The following PCDH7 variants were observed in gnomAD, a reference collection of about 807,000 sequenced individuals.
The protein encoded by PCDH7 is protocadherin 7, also known as protocadherin-7.
In PCDH7, 17 loss-of-function variants were observed where a neutral mutation model predicts 58.9. That is an observed-to-expected ratio of 0.29 (90% CI 0.20 to 0.43). The LOEUF is 0.43. Among genes scored for constraint, PCDH7 ranks in the 20% least tolerant of loss-of-function variants. The pLI is 1.00. For missense variants in PCDH7, 1,274 were observed against 1,441.0 expected, an observed-to-expected ratio of 0.88 and a Z score of 1.88; for synonymous variants, 664 against 616.4, an observed-to-expected ratio of 1.08 and a Z score of -1.14.
At chr4:30,831,008 C>T (rs1301484803) in intron 1 of PCDH7, among the ~76,000 whole-genome samples, 1 of 152,098 alleles carries the variant, frequency 6.6e-6, no homozygotes, top group Non-Finnish European at 1.5e-5. Flanking sequence ...AAAAGCATTT[C>T]ATCAAAAATA....
At chr4:30,976,306 G>A (rs1050157961) in intron 3 of PCDH7, among the ~76,000 whole-genome samples, 1 of 151,470 alleles carries the variant, frequency 6.6e-6, no homozygotes, top group Admixed American at 6.6e-5. Flanking sequence ...GGTCAGGCTG[G>A]TCTTGGACTC....
chr4:31,108,060 G>GA (rs1441119603), intron 3 of PCDH7, among the ~76,000 whole-genome samples: 1 of 151,830 alleles, frequency 6.6e-6, no homozygotes, highest in African/African-American at 2.4e-5. Flanking sequence ...CATTTCCAAA[G>GA]AAAACTACAG....
chr4:30,984,095 A>G (rs2109113984), intron 3 of PCDH7, among the ~76,000 whole-genome samples: 2 of 152,328 alleles, frequency 1.3e-5, no homozygotes, highest in African/African-American at 4.8e-5. Context: ...AATTAGTAAA[A>G]CACATTCCAA....
At chr4:30,919,754 T>C (rs1742939930) in intron 1 of PCDH7, among the ~76,000 whole-genome samples, 2 of 152,204 alleles carry the variant, frequency 1.3e-5, no homozygotes, top group East Asian at 1.9e-4. Context: ...TTGAGTCTTC[T>C]TACAATGGAT....
chr4:30,909,309 T>C (rs1474281637), intron 1 of PCDH7, among the ~76,000 whole-genome samples: 1 of 152,122 alleles, frequency 6.6e-6, no homozygotes, highest in African/African-American at 2.4e-5. Context: ...CTATTCAACA[T>C]AGAATCTGAA....
chr4:31,067,314 T>C (rs1348503950), intron 3 of PCDH7, among the ~76,000 whole-genome samples: 3 of 150,794 alleles, frequency 2.0e-5, no homozygotes, highest in Non-Finnish European at 2.9e-5. Context: ...AGGATTTTTA[T>C]TTCAGTTCGG....
At chr4:31,071,445 G>T (rs917444341) in intron 3 of PCDH7, among the ~76,000 whole-genome samples, 1 of 151,948 alleles carries the variant, frequency 6.6e-6, no homozygotes, top group African/African-American at 2.4e-5. Flanking sequence ...AGGAGAGGGG[G>T]CAGCCTTTCA....
downstream of PCDH7, among the ~76,000 whole-genome samples, chr4:30,733,750 A>G (rs548256231): frequency 2.6e-5 from 4 of 152,362 alleles, no homozygotes; most frequent in African/African-American, 9.6e-5. Context: ...ACTCTAATGT[A>G]ACTAACTTAA....
At chr4:30,908,093 C>T (rs965409470) in intron 1 of PCDH7, among the ~76,000 whole-genome samples, 43 of 151,756 alleles carry the variant, frequency 2.8e-4, no homozygotes, top group Admixed American at 2.3e-3. Context: ...ACACCAGGGC[C>T]GGTTCGGGGG....
Position 30,869,683 on chromosome 4 carries a change from T to C in PCDH7, c.71-50470T>C, listed in dbSNP as rs368445670. ...CACAGTTTCTTTATCCAGTCTATCATTGATGGGCATTTGGGTTGGTTTCAA... is the reference window on the plus strand; with the variant it reads ...CACAGTTTCTTTATCCAGTCTATCACTGATGGGCATTTGGGTTGGTTTCAA... On this transcript the variant is annotated intron_variant, in intron 1 of 3. Transcript: ENST00000509759. Among the ~76,000 whole-genome samples, 41 of 152,308 alleles carry C rather than the reference T, an allele frequency of 2.7e-4. No individual in the cohort carries two copies. In the East Asian group the frequency reaches 6.0e-3, roughly 22 times the overall value.
intron 2 of PCDH7, among the ~76,000 whole-genome samples, chr4:30,930,632 A>T (rs1313059312): frequency 6.6e-6 from 1 of 152,166 alleles, no homozygotes; most frequent in Admixed American, 6.5e-5. Context: ...ACTGTGAAAT[A>T]TATTAAAAAC....
chr4:30,951,584 G>C (rs1747376042), intron 3 of PCDH7, among the ~76,000 whole-genome samples: 1 of 152,106 alleles, frequency 6.6e-6, no homozygotes, highest in Non-Finnish European at 1.5e-5. Flanking sequence ...TTTACTCATG[G>C]CTGTTTGGAA....
intron 3 of PCDH7, among the ~76,000 whole-genome samples, chr4:31,132,785 A>G (rs1719145803): frequency 6.6e-6 from 1 of 152,176 alleles, no homozygotes. Flanking sequence ...TTCTTATGAC[A>G]AATAAACAAA....
At chr4:30,851,176 A>G (rs1430245779) in intron 1 of PCDH7, among the ~76,000 whole-genome samples, 1 of 151,894 alleles carries the variant, frequency 6.6e-6, no homozygotes, top group Non-Finnish European at 1.5e-5. Context: ...GTGTGTGTAT[A>G]CACATGCATT....
At chr4:31,086,314 C>T (rs1158270827) in intron 3 of PCDH7, among the ~76,000 whole-genome samples, 1 of 152,122 alleles carries the variant, frequency 6.6e-6, no homozygotes, top group Non-Finnish European at 1.5e-5. Flanking sequence ...TCTTGACCTA[C>T]AGCATTTCAG....
At chr4:31,026,397 A>C (rs1326061459) in intron 3 of PCDH7, among the ~76,000 whole-genome samples, 2 of 152,238 alleles carry the variant, frequency 1.3e-5, no homozygotes, top group African/African-American at 4.8e-5. Flanking sequence ...GGCTAGCAGC[A>C]AGGGAAGTTG....
At chr4:31,041,336 A>C in intron 3 of PCDH7, among the ~76,000 whole-genome samples, 1 of 152,138 alleles carries the variant, frequency 6.6e-6, no homozygotes, top group East Asian at 1.9e-4. Context: ...TTAGTAATAC[A>C]TTGGCTTAAT....
intron 3 of PCDH7, among the ~76,000 whole-genome samples, chr4:31,067,551 T>C (rs892940008): frequency 4.0e-5 from 6 of 151,890 alleles, no homozygotes; most frequent in African/African-American, 1.4e-4. Flanking sequence ...TGTCAGTAGG[T>C]ATTAGCAGGA....
At chr4:30,825,536 A>G (rs1348233705) in intron 1 of PCDH7, among the ~76,000 whole-genome samples, 1 of 152,156 alleles carries the variant, frequency 6.6e-6, no homozygotes. Context: ...CAAGCCAGAT[A>G]AAAGAAAACA....
Sources: gnomAD v4.1 joint callset for allele counts (sites outside exome capture counted in the v4.1 genomes callset) on GRCh38, gnomAD v4.1.1 for gene constraint, MANE v1.5 for transcripts, NCBI Gene and HGNC (gene_info 2026-07-23, HGNC 2026-07-21) for gene names.